ST7: variants seen among roughly 807,000 people sequenced by gnomAD.
ST7 encodes the protein suppression of tumorigenicity 7.
ST7 carries 28 observed loss-of-function variants against 78.7 expected under a neutral mutation model. That is an observed-to-expected ratio of 0.36 (90% CI 0.26 to 0.49). The LOEUF is 0.49. Ranked by LOEUF, ST7 falls within the 20% of genes least tolerant of loss-of-function variation. The pLI is 0.99. For missense variants in ST7, 418 were observed against 696.0 expected (o/e 0.60, Z 4.49); for synonymous variants, 247 against 249.6 (o/e 0.99, Z 0.10).
rs149864579 is a variant in ST7 at position 117,070,531 on chromosome 7, TTTTGTTTG to T, written c.152-29211_152-29204del. 4.4e-3 allele frequency among the ~76,000 whole-genome samples: 668 copies of T among 151,672 alleles called. 5 individuals are homozygous for T. The highest frequency in any genetic ancestry group is 5.8e-3 in the Non-Finnish European group (396 of 67,858). On this transcript the variant is annotated intron_variant, in intron 1 of 15. Coordinates refer to ENST00000323984, the MANE Select transcript of ST7 (RefSeq NM_001369598.1). ...TTGCACAACCATGTGAGCATATTGGTTTTGTTTGTTTGTTTGTTTGTTTGTTTTTGAGA... is the reference window on the plus strand; with the variant it reads ...TTGCACAACCATGTGAGCATATTGGTTTTGTTTGTTTGTTTGTTTTTGAGA...
chr7:117,119,542 G>T lies in ST7; in HGVS notation c.235-19G>T, dbSNP rs1365925214. 2 of 1,602,742 alleles carry T rather than the reference G, an allele frequency of 1.2e-6. No homozygotes were observed. Among genetic ancestry groups the T allele is most frequent in the Admixed American group, 1.8e-5 (1 of 56,584 alleles). On this transcript the variant is annotated intron_variant, in intron 2 of 15. Coordinates refer to ENST00000323984, the MANE Select transcript of ST7 (RefSeq NM_001369598.1). ...AAATGATAACAGTGACCATAAACAC[G>T]CTTATTTTTCTGTTCTAGATATTTG...
intron 2 of ST7, among the ~76,000 whole-genome samples, chr7:117,106,156 G>C (rs925887957): frequency 1.3e-5 from 2 of 151,992 alleles, no homozygotes; most frequent in Non-Finnish European, 2.9e-5. Flanking sequence ...CTGCCACCGC[G>C]CCGGGCTAAT....
At position 116,998,320 on chromosome 7, in the gene ST7, C is replaced by T. The variant is rs921729681; in HGVS notation, c.151+44629C>T. 8.3e-4 allele frequency among the ~76,000 whole-genome samples: 126 copies of T among 152,226 alleles called. 1 individual carries two copies. Among genetic ancestry groups the T allele is most frequent in the Admixed American group, 3.9e-4 (6 of 15,292 alleles). On this transcript the variant is annotated intron_variant, in intron 1 of 15. Transcript: ENST00000323984. ...GGGGCCCGCCGAGCCCACACCCACC[C>T]GGAACTCACACTGGCCCGCAAGTGC...
chr7:117,129,709 G>T (rs1804174524), intron 3 of ST7, 84 bp from the exon 4 acceptor site: 1 of 1,026,800 alleles, frequency 9.7e-7, no homozygotes, highest in South Asian at 1.3e-5. Flanking sequence ...TTATCAAATG[G>T]CAGGAAGGGT....
chr7:117,058,926 G>A (rs1467322846), intron 1 of ST7, among the ~76,000 whole-genome samples: 1 of 152,186 alleles, frequency 6.6e-6, no homozygotes, highest in Non-Finnish European at 1.5e-5. Context: ...ATTATATTAA[G>A]AGAAATAAGC....
At chr7:117,074,200 G>A (rs1563060174) in intron 1 of ST7, among the ~76,000 whole-genome samples, 3 of 152,104 alleles carry the variant, frequency 2.0e-5, no homozygotes, top group Admixed American at 2.0e-4. Flanking sequence ...AGACCAGCCT[G>A]GCCAACATGG....
At chr7:116,992,810 C>T (rs1028168928) in intron 1 of ST7, among the ~76,000 whole-genome samples, 11 of 152,204 alleles carry the variant, frequency 7.2e-5, no homozygotes, top group Non-Finnish European at 1.3e-4. Flanking sequence ...CTTTTAACAG[C>T]ACCCAAGTCA....
intron 12 of ST7, among the ~76,000 whole-genome samples, chr7:117,204,437 CAGT>C (rs1319407512): frequency 6.6e-6 from 1 of 152,138 alleles, no homozygotes; most frequent in Admixed American, 6.6e-5. Context: ...CGTAGCTAAA[CAGT>C]AGAGCCAGGA....
chr7:116,954,953 A>G (rs779504825), intron 1 of ST7: 32 of 312,242 alleles, frequency 1.0e-4, no homozygotes, highest in Admixed American at 2.5e-4. Flanking sequence ...ACTCATGTTC[A>G]TATTTACATT....
intron 10 of ST7, among the ~76,000 whole-genome samples, chr7:117,178,533 C>T (rs1224153332): frequency 6.6e-6 from 1 of 152,158 alleles, no homozygotes; most frequent in Non-Finnish European, 1.5e-5. Context: ...GATCCCACTA[C>T]GACACAGTGT....
At chr7:117,121,666 C>T (rs764963971) in intron 3 of ST7, among the ~76,000 whole-genome samples, 6 of 152,128 alleles carry the variant, frequency 3.9e-5, no homozygotes, top group Admixed American at 3.3e-4. Flanking sequence ...AGGATCTCCT[C>T]CTTTGTTTTC....
intron 10 of ST7, among the ~76,000 whole-genome samples, chr7:117,186,720 G>A (rs1339295307): frequency 1.3e-5 from 2 of 152,118 alleles, no homozygotes; most frequent in African/African-American, 4.8e-5. Context: ...TTATTGATAT[G>A]TGCACAATAC....
intron 12 of ST7, among the ~76,000 whole-genome samples, chr7:117,200,037 T>A (rs1810671572): frequency 6.6e-6 from 1 of 152,076 alleles, no homozygotes; most frequent in Non-Finnish European, 1.5e-5. Flanking sequence ...CTGGTCATTA[T>A]CACCAAGGAG....
At chr7:117,141,029 T>C (rs980863236) in intron 9 of ST7, among the ~76,000 whole-genome samples, 7 of 152,164 alleles carry the variant, frequency 4.6e-5, no homozygotes, top group Non-Finnish European at 1.0e-4. Flanking sequence ...CGGTCATGGG[T>C]CAAGATAACT....
intron 9 of ST7, among the ~76,000 whole-genome samples, chr7:117,144,465 C>CAAAAAA (rs755607145): frequency 8.1e-6 from 1 of 123,428 alleles, no homozygotes; most frequent in Non-Finnish European, 1.8e-5. Flanking sequence ...CCATCTCTAC[C>CAAAAAA]AAAAAAAAAA....
chr7:117,008,134 T>C (rs978504777), intron 1 of ST7, among the ~76,000 whole-genome samples: 2 of 152,184 alleles, frequency 1.3e-5, no homozygotes, highest in African/African-American at 4.8e-5. Flanking sequence ...ATGTGAACTT[T>C]AATAGAAATC....
At chr7:117,120,568 A>G (rs564682876) in intron 3 of ST7, among the ~76,000 whole-genome samples, 22 of 152,182 alleles carry the variant, frequency 1.4e-4, no homozygotes, top group Non-Finnish European at 3.1e-4. Flanking sequence ...TTTCTTGAAC[A>G]TGCCATGTTT....
At chr7:116,981,865 TATTTA>T (rs1198473136) in intron 1 of ST7, among the ~76,000 whole-genome samples, 2 of 152,348 alleles carry the variant, frequency 1.3e-5, no homozygotes, top group Non-Finnish European at 2.9e-5. Context: ...TGCTATACTT[TATTTA>T]ATTGGAAGCT....
At chr7:117,179,836 A>G (rs1808616230) in intron 10 of ST7, among the ~76,000 whole-genome samples, 1 of 152,186 alleles carries the variant, frequency 6.6e-6, no homozygotes, top group Non-Finnish European at 1.5e-5. Context: ...CATTCACACC[A>G]TGCCCCCTTT....
Sources: gnomAD v4.1 joint callset for allele counts (sites outside exome capture counted in the v4.1 genomes callset) on GRCh38, gnomAD v4.1.1 for gene constraint, MANE v1.5 for transcripts, NCBI Gene and HGNC (gene_info 2026-07-23, HGNC 2026-07-21) for gene names.